TRIM37: variants seen among roughly 807,000 people sequenced by gnomAD.
TRIM37 encodes the protein E3 ubiquitin-protein ligase TRIM37.
In TRIM37, 80 loss-of-function variants were observed where a neutral mutation model predicts 129.8. The observed-to-expected ratio is 0.62, with a 90% CI of 0.51 to 0.74. The LOEUF is 0.74. Among genes scored for constraint, TRIM37 ranks in the 30% least tolerant of loss-of-function variants. TRIM37 has a pLI of 0.00. For missense variants in TRIM37, 1,054 were observed against 1,176.5 expected, an observed-to-expected ratio of 0.90 and a Z score of 1.52; for synonymous variants, 389 against 387.1, an observed-to-expected ratio of 1.00 and a Z score of -0.06.
chr17:59,033,682 G>A (rs1042468319), intron 17 of TRIM37, among the ~76,000 whole-genome samples: 1 of 151,990 alleles, frequency 6.6e-6, no homozygotes, highest in Non-Finnish European at 1.5e-5. Context: ...CCAAAGTGCT[G>A]GGATTACAGG....
At chr17:59,055,685 C>CAAA (rs934273591) in intron 13 of TRIM37, among the ~76,000 whole-genome samples, 44 of 23,748 alleles carry the variant, frequency 1.9e-3, no homozygotes, top group African/African-American at 2.0e-3. Flanking sequence ...GACTCCATCT[C>CAAA]AAAAAAAAAA....
intron 19 of TRIM37, among the ~76,000 whole-genome samples, chr17:59,021,103 A>G (rs2036547457): frequency 6.6e-6 from 1 of 152,170 alleles, no homozygotes; most frequent in African/African-American, 2.4e-5. Flanking sequence ...GGATAAAGAA[A>G]ATGTTAGGTT....
intron 5 of TRIM37, among the ~76,000 whole-genome samples, chr17:59,083,056 T>C (rs1391098932): frequency 1.3e-5 from 2 of 152,214 alleles, no homozygotes; most frequent in Non-Finnish European, 2.9e-5. Flanking sequence ...ATTTCACCCA[T>C]AACTTATTTT....
chr17:59,079,050 C>CAA lies in TRIM37; in HGVS notation c.616+702_616+703dup, dbSNP rs745652753. 7.6e-5 allele frequency among the ~76,000 whole-genome samples: 7 copies of CAA among 92,028 alleles called. No homozygotes were observed. In the East Asian group the frequency reaches 9.1e-4, roughly 12 times the overall value. 60.4% of individuals were successfully genotyped at this position (92,028 alleles called of 152,430 possible). On this transcript the variant is annotated intron_variant, in intron 7 of 23. Transcript: ENST00000262294. ...TAAAATCTTGGAGAATCAAGATAGC[C>CAA]AAAAAAAAAAAAAAAATTCTTTGTT...
rs375437566 is a variant in TRIM37 at position 59,001,634 on chromosome 17, C to T, written c.2776G>A (p.Asp926Asn). The change falls in exon 23 of 24, where the codon GAC becomes AAC. Residue 926 changes from aspartate to asparagine, a missense_variant. Around this residue, in one of 3 missense-constraint regions of TRIM37, gnomAD observed 287 missense variants for 274.3 expected, o/e 1.05. Coordinates refer to ENST00000262294, the MANE Select transcript of TRIM37 (RefSeq NM_015294.6). ...GGCTGTGTCATGACCATGAAGGAGT[C>T]GTGAAACCCGCCCACACTGGTATGC... is the stretch of plus-strand genomic sequence containing the variant. ...EEHTSVGGFH[D>N]SFMVMTQPPD... 6 of 1,613,994 alleles carry T rather than the reference C, an allele frequency of 3.7e-6. No homozygotes were observed. The highest frequency in any genetic ancestry group is 1.7e-5 in the Admixed American group (1 of 59,998).
At chr17:59,009,516 G>A (rs1211246030) in intron 22 of TRIM37, among the ~76,000 whole-genome samples, 1 of 149,030 alleles carries the variant, frequency 6.7e-6, no homozygotes, top group Non-Finnish European at 1.5e-5. Flanking sequence ...TGCGATCTCA[G>A]CTCACTGTAA....
At chr17:59,096,560 A>C (rs1403188944) in intron 2 of TRIM37, among the ~76,000 whole-genome samples, 1 of 141,812 alleles carries the variant, frequency 7.1e-6, no homozygotes, top group East Asian at 2.0e-4. Flanking sequence ...AAAAAAAAAA[A>C]AACAAAAAAA....
At chr17:59,070,436 C>A (rs957667059) in intron 9 of TRIM37, among the ~76,000 whole-genome samples, 8 of 151,698 alleles carry the variant, frequency 5.3e-5, no homozygotes, top group African/African-American at 1.9e-4. Context: ...GAAGATGGAG[C>A]TCTTGGAAAA....
At chr17:59,003,456 G>C (rs1458734669) in intron 22 of TRIM37, among the ~76,000 whole-genome samples, 1 of 151,996 alleles carries the variant, frequency 6.6e-6, no homozygotes, top group African/African-American at 2.4e-5. Context: ...AGGTACAATG[G>C]AGCAAGCACA....
intron 15 of TRIM37, 51 bp downstream of exon 15, chr17:59,049,127 A>T: frequency 7.0e-7 from 1 of 1,435,146 alleles, no homozygotes; most frequent in Non-Finnish European, 9.8e-7. Flanking sequence ...CCATGATGCT[A>T]CTGTTTTTTT....
intron 1 of TRIM37, 102 bp downstream of exon 1, chr17:59,106,339 A>C: frequency 7.2e-7 from 1 of 1,388,038 alleles, no homozygotes; most frequent in Non-Finnish European, 1.0e-6. Flanking sequence ...GGGGCGGGGT[A>C]GGGGTGCCCT....
chr17:59,049,968 C>T (rs1161406281), intron 14 of TRIM37, among the ~76,000 whole-genome samples: 1 of 152,140 alleles, frequency 6.6e-6, no homozygotes, highest in Non-Finnish European at 1.5e-5. Context: ...TTAAATAGCA[C>T]ATTTAACATG....
intron 19 of TRIM37, among the ~76,000 whole-genome samples, chr17:59,023,952 G>A (rs976737151): frequency 2.6e-5 from 4 of 151,996 alleles, no homozygotes; most frequent in African/African-American, 4.8e-5. Context: ...GGTGGCTCAC[G>A]CTTGTAATCC....
rs1166537064 is a variant in TRIM37, at chr17:59,001,691, C to CA, written c.2718dup (p.Glu907Ter). On this transcript the variant is annotated frameshift_variant, in exon 23 of 24. Coordinates refer to ENST00000262294, the MANE Select transcript of TRIM37 (RefSeq NM_015294.6). LOFTEE classifies it high-confidence loss of function. ...TGCTCCTCATTCTCAGTGTCACATT[C>CA]AATGTCACTGTCGCTACTCATTCCT... 1 of 1,613,936 alleles carries CA rather than the reference C, an allele frequency of 6.2e-7. No homozygotes were observed. The highest frequency in any genetic ancestry group is 8.5e-7 in the Non-Finnish European group (1 of 1,179,930).
chr17:59,053,680 G>A (rs955819210), intron 13 of TRIM37, among the ~76,000 whole-genome samples: 1 of 152,142 alleles, frequency 6.6e-6, no homozygotes, highest in Non-Finnish European at 1.5e-5. Flanking sequence ...ATTGATGTTT[G>A]AATAATTTTG....
chr17:59,090,775 G>A (rs1439713837), intron 3 of TRIM37, among the ~76,000 whole-genome samples: 2 of 151,846 alleles, frequency 1.3e-5, no homozygotes, highest in African/African-American at 4.8e-5. Flanking sequence ...ATAGTCGCGC[G>A]CCACCACGCC....
At chr17:59,091,568 AATATATATAATGTATAATATATTATACAT>A (rs2044356967) in intron 2 of TRIM37, among the ~76,000 whole-genome samples, 1 of 67,462 alleles carries the variant, frequency 1.5e-5, no homozygotes, top group Admixed American at 1.5e-4. Context: ...TTATATATAT[AATATATATAATGTATAATATATTATACAT>A]TATATATATA....
chr17:59,042,758 G>A (rs1599107427), intron 16 of TRIM37, among the ~76,000 whole-genome samples: 1 of 151,594 alleles, frequency 6.6e-6, no homozygotes, highest in South Asian at 2.1e-4. Flanking sequence ...GCGAGACTCT[G>A]TCTCAAGGAG....
chr17:59,057,816 GC>G (rs1568123890), intron 12 of TRIM37, among the ~76,000 whole-genome samples: 1 of 152,072 alleles, frequency 6.6e-6, no homozygotes, highest in Admixed American at 6.6e-5. Flanking sequence ...GAGCCACTGC[GC>G]CCAGCCAAAA....
Sources: allele counts gnomAD v4.1 joint callset (sites outside exome capture counted in the v4.1 genomes callset), GRCh38; gene constraint gnomAD v4.1.1; regional missense constraint gnomAD v4.1.1; transcripts MANE v1.5; gene names NCBI Gene and HGNC (gene_info 2026-07-23, HGNC 2026-07-21).